SCN3A: variants seen among roughly 807,000 people sequenced by gnomAD.
SCN3A encodes the protein sodium voltage-gated channel alpha subunit 3.
SCN3A carries 60 observed loss-of-function variants against 187.6 expected under a neutral mutation model. The observed-to-expected ratio is 0.32, with a 90% CI of 0.26 to 0.40. The LOEUF (loss-of-function observed/expected upper bound fraction) is 0.40, where lower values mean the gene tolerates loss of function less well. Ranked by LOEUF, SCN3A falls within the 10% of genes least tolerant of loss-of-function variation. The probability of loss-of-function intolerance (pLI) is 1.00; values close to 1 mark genes in which losing one functional copy is unlikely to be tolerated. For missense variants in SCN3A, 1,601 were observed against 2,428.2 expected, an observed-to-expected ratio of 0.66 and a Z score of 7.16; for synonymous variants, 788 against 829.2, an observed-to-expected ratio of 0.95 and a Z score of 0.85.
At chr2:165,157,153 G>A (rs944850872) in intron 9 of SCN3A, among the ~76,000 whole-genome samples, 5 of 151,782 alleles carry the variant, frequency 3.3e-5, no homozygotes, top group South Asian at 2.1e-4. Flanking sequence ...CTCGTGATCC[G>A]CCTGCCTCGG....
At chr2:165,117,126 T>C (rs1686411010) in intron 18 of SCN3A, among the ~76,000 whole-genome samples, 1 of 152,028 alleles carries the variant, frequency 6.6e-6, no homozygotes, top group Non-Finnish European at 1.5e-5. Context: ...CTGGTGTAAC[T>C]AAGAAAATAC....
chr2:165,094,154 G>A, intron 26 of SCN3A: 3 of 567,132 alleles, frequency 5.3e-6, no homozygotes, highest in Non-Finnish European at 6.3e-6. Flanking sequence ...TGAGCTAGAA[G>A]TTTTCAACTC....
chr2:165,132,949 A>T (rs1378702747), intron 15 of SCN3A, among the ~76,000 whole-genome samples: 1 of 152,098 alleles, frequency 6.6e-6, no homozygotes, highest in African/African-American at 2.4e-5. Flanking sequence ...AAAACAAACA[A>T]CCCCATCAAC....
At chr2:165,190,574 T>TTATATAAAACTTTATA (rs1229027398) in intron 1 of SCN3A, among the ~76,000 whole-genome samples, 4 of 145,228 alleles carry the variant, frequency 2.8e-5, no homozygotes, top group African/African-American at 1.0e-4. Context: ...ATAACTATAT[T>TTATATAAAACTTTATA]TATATAAAAC....
At chr2:165,111,629 G>A (rs942419996) in intron 21 of SCN3A, among the ~76,000 whole-genome samples, 3 of 151,866 alleles carry the variant, frequency 2.0e-5, no homozygotes, top group Admixed American at 6.6e-5. Context: ...ATTTGGACAC[G>A]TATCAACTTT....
chr2:165,157,262 C>T (rs957348797), intron 9 of SCN3A, among the ~76,000 whole-genome samples: 3 of 152,130 alleles, frequency 2.0e-5, no homozygotes, highest in Non-Finnish European at 4.4e-5. Flanking sequence ...ATTCAGGATA[C>T]ACATCGCATT....
chr2:165,136,682 G>A (rs1319133832), intron 15 of SCN3A, among the ~76,000 whole-genome samples: 1 of 152,216 alleles, frequency 6.6e-6, no homozygotes, highest in Non-Finnish European at 1.5e-5. Context: ...TTATCAACCA[G>A]TGGGTTATTT....
intron 16 of SCN3A, 128 bp downstream of exon 16, chr2:165,131,116 G>T: frequency 2.1e-6 from 1 of 487,106 alleles, no homozygotes; most frequent in Non-Finnish European, 3.2e-6. Flanking sequence ...ATGTTTACAT[G>T]TTTTCTTAGA....
At chr2:165,119,982 A>G (rs910914533) in intron 18 of SCN3A, among the ~76,000 whole-genome samples, 2 of 151,816 alleles carry the variant, frequency 1.3e-5, no homozygotes, top group South Asian at 2.1e-4. Flanking sequence ...TTTTCTCCCT[A>G]CTCCTCCAAT....
chr2:165,131,461 A>C, intron 15 of SCN3A, 44 bp from the exon 16 acceptor site: 1 of 1,380,144 alleles, frequency 7.2e-7, no homozygotes, highest in Non-Finnish European at 1.0e-6. Context: ...ACTGAAAAAC[A>C]CTGATGCTAC....
At chr2:165,143,844 G>A (rs1688161961) in intron 12 of SCN3A, among the ~76,000 whole-genome samples, 1 of 152,206 alleles carries the variant, frequency 6.6e-6, no homozygotes, top group South Asian at 2.1e-4. Flanking sequence ...TGGATTCAAA[G>A]TGGGTTGGGA....
chr2:165,195,433 T>A (rs1018091402), intron 1 of SCN3A: 1 of 152,166 alleles, frequency 6.6e-6, no homozygotes, highest in African/African-American at 2.4e-5. Context: ...AACAGACTTT[T>A]TTTAGAACAA....
chr2:165,136,509 A>G (rs1346796271), intron 15 of SCN3A, among the ~76,000 whole-genome samples: 1 of 152,310 alleles, frequency 6.6e-6, no homozygotes, highest in East Asian at 1.9e-4. Context: ...TATTACACTC[A>G]TTTCAATAAT....
intron 12 of SCN3A, among the ~76,000 whole-genome samples, chr2:165,144,413 T>G (rs1165833429): frequency 6.6e-6 from 1 of 152,186 alleles, no homozygotes; most frequent in Non-Finnish European, 1.5e-5. Flanking sequence ...CTTTTAGTAT[T>G]AAAACACTGG....
In SCN3A at chr2:165,196,321, T is replaced by C. The variant is rs79598049; in HGVS notation, c.-248+7502A>G. The stretch of plus-strand genomic sequence containing the variant: ...CTTGGCCAGTATTTCTTCTGTTTAT[T>C]ACAGAAGCACCAGCGACCTGCCTCA... On this transcript the variant is annotated intron_variant, in intron 1 of 27. Transcript: ENST00000283254. 6.3e-3 allele frequency among the ~76,000 whole-genome samples: 957 copies of C among 152,222 alleles called. 6 individuals carry two copies. The highest frequency in any genetic ancestry group is 0.022 in the African/African-American group (914 of 41,550).
chr2:165,146,925 A>C lies in SCN3A; in HGVS notation c.1485T>G (p.Ser495Arg), dbSNP rs2105834282. The C allele has an allele frequency of 6.2e-7, 1 of 1,613,880 alleles. No homozygotes were observed. The highest frequency in any genetic ancestry group is 8.5e-7 in the Non-Finnish European group (1 of 1,179,938). ...SSEASKLSSK[S>R]AKEWRNRRKK... is the part of the protein sequence containing the mutation. ...TCCTTCGGTTCCTCCATTCTTTAGC[A>C]CTTTTGGAACTCAACTTTGATGCTT... The change falls in exon 12 of 28, where the codon AGT becomes AGG. Residue 495 changes from serine to arginine, a missense_variant. By Grantham distance (110) the Ser-to-Arg change is moderately radical. This residue lies in a region of SCN3A where 376 missense variants were observed against 476.0 expected (regional missense o/e 0.79). Transcript: ENST00000283254.
chr2:165,122,259 A>T (rs115624116), intron 18 of SCN3A, among the ~76,000 whole-genome samples: 1,519 of 121,332 alleles, frequency 0.013, 26 homozygotes, highest in African/African-American at 0.037. Context: ...TTTTTTACAG[A>T]ACCTTTCCCC....
In SCN3A at chr2:165,162,552, T is replaced by G; in HGVS notation, c.967+4A>C. 6.2e-7 allele frequency: 1 copy of G among 1,614,050 alleles called. No individual in the cohort carries two copies. Among genetic ancestry groups the G allele is most frequent in the Non-Finnish European group, 8.5e-7 (1 of 1,179,958 alleles). On this transcript the variant is annotated splice_donor_region_variant and intron_variant, in intron 8 of 27. Transcript: ENST00000283254. ...TAAGGTTAACATAATGTAATACTTC[T>G]TACTGTCATCTCCAATGTAATCCTT...
At chr2:165,187,094 C>A (rs1189771364) in intron 1 of SCN3A, among the ~76,000 whole-genome samples, 1 of 152,162 alleles carries the variant, frequency 6.6e-6, no homozygotes, top group Non-Finnish European at 1.5e-5. Flanking sequence ...CTCCTTACAT[C>A]TTCCCCTTTG....
Sources: allele counts gnomAD v4.1 joint callset (sites outside exome capture counted in the v4.1 genomes callset), GRCh38; gene constraint gnomAD v4.1.1; regional missense constraint gnomAD v4.1.1; transcripts MANE v1.5; gene names NCBI Gene and HGNC (gene_info 2026-07-23, HGNC 2026-07-21).